SORD: variants seen among roughly 807,000 people sequenced by gnomAD.
SORD encodes the protein (R,R)-butanediol dehydrogenase.
In SORD, 18 loss-of-function variants were observed where a neutral mutation model predicts 35.6. That is an observed-to-expected ratio of 0.51 (90% CI 0.35 to 0.75). The LOEUF is 0.75. Ranked by LOEUF, SORD falls within the 30% of genes least tolerant of loss-of-function variation. The probability of loss-of-function intolerance (pLI) is 0.01; values close to 1 mark genes in which losing one functional copy is unlikely to be tolerated. For synonymous variants in SORD, 106 were observed against 152.9 expected (o/e 0.69, Z 2.26); for missense variants, 250 against 390.2 (o/e 0.64, Z 3.03).
intron 3 of SORD, chr15:45,050,453 T>A (rs1281396462): frequency 6.6e-6 from 1 of 152,198 alleles, no homozygotes; most frequent in East Asian, 1.9e-4. Flanking sequence ...ATTCCTCTCT[T>A]CTTGAGGTCA....
chr15:45,027,285 G>A (rs894233678), intron 1 of SORD, among the ~76,000 whole-genome samples: 5 of 152,274 alleles, frequency 3.3e-5, no homozygotes, highest in Admixed American at 2.6e-4. Flanking sequence ...GAAATAGTAC[G>A]AAGTTCCCAA....
chr15:45,036,844 A>T (rs1892877419), intron 1 of SORD, among the ~76,000 whole-genome samples: 1 of 152,258 alleles, frequency 6.6e-6, no homozygotes, highest in Non-Finnish European at 1.5e-5. Flanking sequence ...TCTCAGAGAA[A>T]CTAAGAAACT....
At chr15:45,029,203 T>G (rs796895999) in intron 1 of SORD, among the ~76,000 whole-genome samples, 31,140 of 150,688 alleles carry the variant, frequency 0.21, no homozygotes, top group African/African-American at 0.44. Flanking sequence ...AAACCCAAAC[T>G]GGACATACCA....
At chr15:45,064,589 G>C (rs1306083795) in intron 4 of SORD, among the ~76,000 whole-genome samples, 7 of 152,102 alleles carry the variant, frequency 4.6e-5, no homozygotes, top group African/African-American at 1.2e-4. Context: ...TTTTCTTCTT[G>C]ACTGGTCCTG....
chr15:45,048,313 T>C (rs985627642), intron 3 of SORD, among the ~76,000 whole-genome samples: 6 of 152,228 alleles, frequency 3.9e-5, no homozygotes, highest in African/African-American at 1.4e-4. Context: ...AATAAAAATT[T>C]GTCTAGCACA....
chr15:45,075,847 GAGACTGGGTGGGGA>G lies in SORD; in HGVS notation c.*2321_*2334del, dbSNP rs1296190820. On this transcript the variant is annotated 3_prime_UTR_variant, in exon 9 of 9. Transcript: ENST00000267814. Reference sequence around the variant, plus strand: ...GGAGGCAGGACTGTGCTACACAAGGGAGACTGGGTGGGGAAGATGTCAGAGAACCAGTGACTGAG... The same window carrying G: ...GGAGGCAGGACTGTGCTACACAAGGGAGATGTCAGAGAACCAGTGACTGAG... The G allele has an allele frequency of 2.2e-5, 1 of 45,982 alleles. No homozygotes were observed. Among genetic ancestry groups the G allele is most frequent in the Non-Finnish European group, 3.4e-5 (1 of 29,296 alleles). 2.8% of individuals were successfully genotyped at this position (45,982 alleles called of 1,614,324 possible). A position where few individuals can be genotyped will look rare whatever the true frequency, so the allele number is the denominator to read the frequency against.
chr15:45,046,193 C>G (rs1179825477), intron 3 of SORD, among the ~76,000 whole-genome samples: 1 of 151,658 alleles, frequency 6.6e-6, no homozygotes, highest in Non-Finnish European at 1.5e-5. Context: ...GTTCACTGGA[C>G]AGGAGAGAAA....
At chr15:45,036,801 A>G (rs1172592434) in intron 1 of SORD, among the ~76,000 whole-genome samples, 2 of 152,230 alleles carry the variant, frequency 1.3e-5, no homozygotes, top group Non-Finnish European at 2.9e-5. Flanking sequence ...TGAGAAAAAA[A>G]AGAGCTGTGG....
chr15:45,064,798 C>T (rs1183826229), intron 4 of SORD, among the ~76,000 whole-genome samples: 3 of 152,220 alleles, frequency 2.0e-5, no homozygotes, highest in Non-Finnish European at 4.4e-5. Flanking sequence ...ATGTTAACTC[C>T]TTGTTAAATA....
chr15:45,044,615 A>G (rs1474984570), intron 3 of SORD, among the ~76,000 whole-genome samples: 2 of 151,348 alleles, frequency 1.3e-5, no homozygotes, highest in African/African-American at 2.4e-5. Flanking sequence ...AGTAACATTA[A>G]TAAGAAGGTG....
At chr15:45,042,346 G>C (rs1892980266) in intron 2 of SORD, 1 of 152,126 alleles carries the variant, frequency 6.6e-6, no homozygotes, top group Non-Finnish European at 1.5e-5. Flanking sequence ...GCAAAAATTA[G>C]CCGGGCGTGG....
chr15:45,023,201 C>T lies in SORD; in HGVS notation c.-83C>T. The T allele has an allele frequency of 7.9e-7, 1 of 1,263,832 alleles. No individual in the cohort carries two copies. The highest frequency in any genetic ancestry group is 1.1e-6 in the Non-Finnish European group (1 of 933,848). 78.3% of individuals were successfully genotyped at this position (1,263,832 alleles called of 1,614,324 possible). A position where few individuals can be genotyped will look rare whatever the true frequency, so the allele number is the denominator to read the frequency against. ...CAGGCCCCACCTTCCATCCAGTGCC[C>T]TGGACCCTCGGCTGGGTAGCGCCAC... On this transcript the variant is annotated 5_prime_UTR_variant, in exon 1 of 9. Coordinates refer to ENST00000267814, the MANE Select transcript of SORD (RefSeq NM_003104.6).
rs142453286 is a variant in SORD at position 45,067,068 on chromosome 15, T to G, written c.545-1113T>G. On this transcript the variant is annotated intron_variant, in intron 5 of 8. Transcript: ENST00000267814. ...AAATACGCTTCCTTTACCTACTCTT[T>G]TTTAAAAATCAGGCTGGGCATGGTG... Among the ~76,000 whole-genome samples the G allele has an allele frequency of 4.4e-4, 67 of 152,256 alleles. No homozygotes were observed. In the Middle Eastern group the frequency reaches 0.014, roughly 31 times the overall value.
chr15:45,034,280 C>T (rs1468136848), intron 1 of SORD, among the ~76,000 whole-genome samples: 2 of 152,082 alleles, frequency 1.3e-5, no homozygotes, highest in Non-Finnish European at 2.9e-5. Flanking sequence ...GCCTGGGTTG[C>T]ATGTTGACAG....
chr15:45,039,552 C>T (rs1432517441), intron 1 of SORD, among the ~76,000 whole-genome samples: 2 of 152,174 alleles, frequency 1.3e-5, no homozygotes, highest in African/African-American at 4.8e-5. Flanking sequence ...CTTAGTAAAC[C>T]AACACTACTA....
chr15:45,048,843 T>A (rs571247559), intron 3 of SORD, among the ~76,000 whole-genome samples: 1 of 152,334 alleles, frequency 6.6e-6, no homozygotes, highest in South Asian at 2.1e-4. Context: ...AAGGTTTTTA[T>A]AAGAAACTTC....
Position 45,061,169 on chromosome 15 carries a change from C to A in SORD, c.368C>A (p.Pro123His), listed in dbSNP as rs1893298925. 6.2e-7 allele frequency: 1 copy of A among 1,614,162 alleles called. No homozygotes were observed. The highest frequency in any genetic ancestry group is 8.5e-7 in the Non-Finnish European group (1 of 1,180,002). ...CCTTCCATCTTCTTCTGTGCCACGC[C>A]CCCCGATGACGGGAACCTCTGCCGG... ...LSPSIFFCATPPDDGNLCRFY... is the reference protein window; with the variant it reads ...LSPSIFFCATHPDDGNLCRFY... The change falls in exon 4 of 9, where the codon CCC becomes CAC. Residue 123 changes from proline to histidine, a missense_variant. Physicochemically the swap from Pro to His is moderately conservative, Grantham distance 77. This residue lies in a region of SORD where 126 missense variants were observed against 148.7 expected (regional missense o/e 0.85). Transcript: ENST00000267814.
At chr15:45,071,497 C>T (rs371468241) in intron 7 of SORD, among the ~76,000 whole-genome samples, 2 of 152,178 alleles carry the variant, frequency 1.3e-5, no homozygotes, top group Admixed American at 1.3e-4. Context: ...GAGGCTGTGA[C>T]ATGTGCCTTT....
chr15:45,058,985 G>A (rs943782310), intron 3 of SORD, among the ~76,000 whole-genome samples: 2 of 152,148 alleles, frequency 1.3e-5, no homozygotes, highest in African/African-American at 2.4e-5. Context: ...AGCCCACTGT[G>A]TACATGCCCA....
Sources: gnomAD v4.1 joint callset for allele counts (sites outside exome capture counted in the v4.1 genomes callset) on GRCh38, gnomAD v4.1.1 for gene constraint, gnomAD v4.1.1 regional missense constraint, MANE v1.5 for transcripts, NCBI Gene and HGNC (gene_info 2026-07-23, HGNC 2026-07-21) for gene names.